The following USP6 variants were observed in gnomAD, a reference collection of about 807,000 sequenced individuals.
USP6 encodes ubiquitin specific peptidase 6, also known as ubiquitin carboxyl-terminal hydrolase 6.
Under a neutral mutation model 175.7 loss-of-function variants are expected in USP6, and 128 were observed. The observed-to-expected ratio is 0.73, with a 90% confidence interval of 0.63 to 0.84. The LOEUF (loss-of-function observed/expected upper bound fraction) is 0.84. USP6 is among the 40% of genes least tolerant of loss of function. The probability of loss-of-function intolerance (pLI) is 0.00; values close to 1 mark genes in which losing one functional copy is unlikely to be tolerated. For synonymous variants in USP6, 562 were observed against 630.6 expected, an observed-to-expected ratio of 0.89 and a Z score of 1.63; for missense variants, 1,498 against 1,760.3, an observed-to-expected ratio of 0.85 and a Z score of 2.67.
intron 14 of USP6, 138 bp downstream of exon 14, chr17:5,133,688 GAC>G (rs2073155025): frequency 1.7e-6 from 2 of 1,180,286 alleles, no homozygotes; most frequent in African/African-American, 3.0e-5. Context: ...CATGGACGGT[GAC>G]ACAGTCACCA....
chr17:5,155,911 C>T (rs1411221865), intron 31 of USP6, among the ~76,000 whole-genome samples: 1 of 152,244 alleles, frequency 6.6e-6, no homozygotes, highest in Non-Finnish European at 1.5e-5. Flanking sequence ...TGCCTGGATT[C>T]GTCCTGCTAA....
At chr17:5,138,880 TG>T (rs1567788662) in intron 21 of USP6, 2 of 803,168 alleles carry the variant, frequency 2.5e-6, no homozygotes, top group Non-Finnish European at 3.7e-6. Context: ...AGTCACCCAC[TG>T]CGGAGACAGG....
intron 31 of USP6, among the ~76,000 whole-genome samples, chr17:5,159,931 T>G (rs1598083851): frequency 7.2e-6 from 1 of 139,376 alleles, no homozygotes; most frequent in South Asian, 2.2e-4. Flanking sequence ...GCTACTGCAC[T>G]CCAGCCTGGG....
At chr17:5,138,857 C>T (rs2073346985) in intron 21 of USP6, 2 of 620,974 alleles carry the variant, frequency 3.2e-6, no homozygotes, top group Non-Finnish European at 5.2e-6. Flanking sequence ...GAGGGTGACC[C>T]ACGTCCGGGC....
At chr17:5,144,431 T>C (rs2073548542) in intron 25 of USP6, among the ~76,000 whole-genome samples, 1 of 152,158 alleles carries the variant, frequency 6.6e-6, no homozygotes, top group African/African-American at 2.4e-5. Context: ...AACATCTATG[T>C]GCCTGAAGAA....
intron 29 of USP6, among the ~76,000 whole-genome samples, chr17:5,147,586 T>C (rs943488850): frequency 7.2e-5 from 11 of 152,370 alleles, no homozygotes; most frequent in African/African-American, 2.6e-4. Flanking sequence ...CTAGTATGCT[T>C]TGTCTATTCT....
At chr17:5,136,074 C>T in intron 17 of USP6, 146 bp downstream of exon 17, 1 of 1,466,054 alleles carries the variant, frequency 6.8e-7, no homozygotes, top group Non-Finnish European at 9.1e-7. Flanking sequence ...GAGGGTCCCA[C>T]AGGAGTCCGC....
Position 5,148,556 on chromosome 17 carries a change from A to G in USP6, c.2432A>G (p.Asp811Gly). Reference protein sequence around the residue: ...PISASSPTQIDFSSSPSTNGM... With the variant: ...PISASSPTQIGFSSSPSTNGM... ...GCTGTACTTATCTTTGAATTTGTAG[A>G]TTTCTCCTCTTCACCATCTACAAAT... Residue 811 changes from aspartate to glycine, a missense_variant and splice_region_variant, in exon 30 of 38, where the codon GAT (aspartate) becomes GGT (glycine). Around this residue, in one of 2 missense-constraint regions of USP6, gnomAD observed 1,217 missense variants for 1,500.8 expected, o/e 0.81. Transcript: ENST00000574788. 16 of 1,613,926 alleles carry G rather than the reference A, an allele frequency of 9.9e-6. No homozygotes were observed. The highest frequency in any genetic ancestry group is 1.4e-5 in the Non-Finnish European group (16 of 1,179,856).
intron 31 of USP6, among the ~76,000 whole-genome samples, chr17:5,156,334 T>C (rs2073883689): frequency 6.6e-6 from 1 of 151,834 alleles, no homozygotes; most frequent in African/African-American, 2.4e-5. Context: ...TATGACAGAG[T>C]TTTGCTCTTG....
At position 5,170,813 on chromosome 17, in the gene USP6, C is replaced by T; in HGVS notation, c.3852C>T (p.Gly1284=). 1 of 1,613,574 alleles carries T rather than the reference C, an allele frequency of 6.2e-7. No individual in the cohort carries two copies. Among genetic ancestry groups the T allele is most frequent in the African/African-American group, 1.3e-5 (1 of 75,020 alleles). Residue 1284 remains glycine, a synonymous_variant, in exon 36 of 38, where the codon GGC becomes GGT. Transcript: ENST00000574788. ...HEACGNGCGD[G]YSNGQLGNHS... ...CATGTGGCAATGGCTGTGGCGATGG[C>T]TACAGCAATGGTCAGCTTGGAAACC... is the stretch of plus-strand genomic sequence containing the variant.
chr17:5,138,223 G>T lies in USP6; in HGVS notation c.1028G>T (p.Arg343Met), dbSNP rs1458803210. 6.2e-7 allele frequency: 1 copy of T among 1,614,030 alleles called. No individual in the cohort carries two copies. ...GATGACACCGTGCTCAAGCATCTTA[G>T]GGCCTCTACGAAGAAACTAACAAGG... ...MNDDTVLKHL[R>M]ASTKKLTRKQ... The change falls in exon 21 of 38, where the codon AGG becomes ATG. Residue 343 changes from arginine to methionine, a missense_variant. Coordinates refer to ENST00000574788, the MANE Select transcript of USP6 (RefSeq NM_001304284.2).
intron 30 of USP6, among the ~76,000 whole-genome samples, chr17:5,152,142 T>C (rs1050108194): frequency 9.2e-5 from 14 of 151,456 alleles, no homozygotes; most frequent in Admixed American, 4.6e-4. Context: ...CTTGGGAGGC[T>C]GAGGCAGGAG....
At chr17:5,169,829 T>G (rs1347562881) in intron 35 of USP6, among the ~76,000 whole-genome samples, 1 of 152,232 alleles carries the variant, frequency 6.6e-6, no homozygotes, top group Admixed American at 6.5e-5. Flanking sequence ...AGAGAAAACA[T>G]GACATGGAAT....
chr17:5,123,352 A>C (rs1356396609), intron 4 of USP6, among the ~76,000 whole-genome samples: 10 of 151,326 alleles, frequency 6.6e-5, no homozygotes, highest in Admixed American at 2.0e-4. Context: ...CCTGGCCCGG[A>C]GTGACCCCGG....
intron 19 of USP6, 68 bp downstream of exon 19, chr17:5,137,254 C>T: frequency 4.4e-6 from 7 of 1,578,696 alleles, no homozygotes; most frequent in Non-Finnish European, 6.1e-6. Flanking sequence ...CTTCCCCAGC[C>T]CGGGGGTCTG....
In USP6 at chr17:5,132,364, A is replaced by C. The variant is rs765898831; in HGVS notation, c.156-32A>C. 4 of 1,612,070 alleles carry C rather than the reference A, an allele frequency of 2.5e-6. No homozygotes were observed. The highest frequency in any genetic ancestry group is 3.4e-6 in the Non-Finnish European group (4 of 1,179,838). On this transcript the variant is annotated intron_variant, in intron 11 of 37. Coordinates refer to ENST00000574788, the MANE Select transcript of USP6 (RefSeq NM_001304284.2). The surrounding 1 kb of genome is among the most constrained non-coding windows in gnomAD (Gnocchi z 4.7). The stretch of plus-strand genomic sequence containing the variant: ...GCTTGGGCGGCTCCAGGCCCTGTGC[A>C]CGTCCTCAGCTCTGCCTGGGTTGCC...
chr17:5,153,990 G>T (rs1303920588), intron 30 of USP6, among the ~76,000 whole-genome samples: 2 of 152,204 alleles, frequency 1.3e-5, no homozygotes, highest in African/African-American at 4.8e-5. Flanking sequence ...ATAACTGGGA[G>T]TAGAATTTAT....
intron 4 of USP6, among the ~76,000 whole-genome samples, chr17:5,122,577 C>A (rs1056704892): frequency 2.6e-5 from 4 of 152,234 alleles, no homozygotes; most frequent in African/African-American, 9.6e-5. Context: ...CCCTGGGCCC[C>A]CTCCCCAGCC....
In USP6 at chr17:5,170,693, C is replaced by T. The variant is rs16964010; in HGVS notation, c.3732C>T (p.Ser1244=). The change falls in exon 36 of 38, where the codon AGC becomes AGT. Residue 1244 remains serine, a synonymous_variant. Transcript: ENST00000574788. ...TCTGTGAGCTGGCTGACGCCTTGAG[C>T]CGAGGGCATATGCGGGGGGGCAGCC... ...GQICELADAL[S]RGHMRGGSQP... 1.2e-6 allele frequency: 2 copies of T among 1,613,944 alleles called. No homozygotes were observed. Among genetic ancestry groups the T allele is most frequent in the Non-Finnish European group, 1.7e-6 (2 of 1,179,866 alleles).
Sources: gnomAD v4.1 joint callset for allele counts (sites outside exome capture counted in the v4.1 genomes callset) on GRCh38, gnomAD v4.1.1 for gene constraint, gnomAD v4.1.1 regional missense constraint, Gnocchi (gnomAD v3.1) non-coding constraint, MANE v1.5 for transcripts, NCBI Gene and HGNC (gene_info 2026-07-23, HGNC 2026-07-21) for gene names.